The following TMEM117 variants were observed in gnomAD, a reference collection of about 807,000 sequenced individuals.
The protein encoded by TMEM117 is transmembrane protein 117.
A neutral mutation model predicts 52.4 loss-of-function variants in TMEM117; 27 were observed. That is an observed-to-expected ratio of 0.51 (90% CI 0.38 to 0.71). The LOEUF is 0.71. Ranked by LOEUF, TMEM117 falls within the 30% of genes least tolerant of loss-of-function variation. TMEM117 has a pLI of 0.00. For missense variants in TMEM117, 556 were observed against 630.5 expected, an observed-to-expected ratio of 0.88 and a Z score of 1.26; for synonymous variants, 215 against 206.3, an observed-to-expected ratio of 1.04 and a Z score of -0.36.
At chr12:43,910,337 A>C (rs1699773271) in intron 2 of TMEM117, among the ~76,000 whole-genome samples, 1 of 142,034 alleles carries the variant, frequency 7.0e-6, no homozygotes, top group Non-Finnish European at 1.5e-5. Flanking sequence ...TATTGATGGG[A>C]CGTATTTCAA....
chr12:44,069,793 C>CT (rs1365552555), intron 3 of TMEM117, among the ~76,000 whole-genome samples: 1 of 152,200 alleles, frequency 6.6e-6, no homozygotes, highest in Non-Finnish European at 1.5e-5. Flanking sequence ...CAGAGAATTG[C>CT]TTTTCTTATT....
At chr12:43,875,522 T>C (rs980764255) in intron 2 of TMEM117, among the ~76,000 whole-genome samples, 1 of 152,260 alleles carries the variant, frequency 6.6e-6, no homozygotes, top group African/African-American at 2.4e-5. Flanking sequence ...TATATGTTTC[T>C]CATTTGTAAT....
chr12:44,236,671 CTA>C (rs1826886946), intron 5 of TMEM117, among the ~76,000 whole-genome samples: 1 of 152,078 alleles, frequency 6.6e-6, no homozygotes, highest in Non-Finnish European at 1.5e-5. Flanking sequence ...ATCACTGGCC[CTA>C]TAATAGGCGG....
intron 3 of TMEM117, among the ~76,000 whole-genome samples, chr12:44,057,493 A>G (rs1375078490): frequency 2.0e-5 from 3 of 152,140 alleles, no homozygotes; most frequent in African/African-American, 4.8e-5. Flanking sequence ...AGGGAGTGAA[A>G]GGTTTGTCTC....
chr12:44,251,554 T>A (rs1280162061), intron 5 of TMEM117, among the ~76,000 whole-genome samples: 1 of 152,212 alleles, frequency 6.6e-6, no homozygotes, highest in Non-Finnish European at 1.5e-5. Flanking sequence ...CCTACGTCAC[T>A]AAGGACACAT....
chr12:44,061,524 G>C (rs1432817920), intron 3 of TMEM117, among the ~76,000 whole-genome samples: 4 of 149,184 alleles, frequency 2.7e-5, no homozygotes, highest in African/African-American at 1.0e-4. Flanking sequence ...GAAAGGAGAT[G>C]TGTTTAATGG....
chr12:44,055,546 G>C lies in TMEM117; in HGVS notation c.411-87979G>C, dbSNP rs1275824150. Among the ~76,000 whole-genome samples the C allele has an allele frequency of 2.0e-5, 3 of 152,150 alleles. No individual in the cohort carries two copies. The East Asian group carries it at 5.8e-4, about 29-fold the overall frequency. On this transcript the variant is annotated intron_variant, in intron 3 of 7. Transcript: ENST00000266534. ...CATGGACTGTGGAGCCAGAATACTT[G>C]AGTTCAAGTCCTGATATGTCCATTT...
chr12:44,007,402 T>C (rs1015147268), intron 3 of TMEM117, among the ~76,000 whole-genome samples: 1 of 152,170 alleles, frequency 6.6e-6, no homozygotes, highest in Non-Finnish European at 1.5e-5. Flanking sequence ...ATAAATTTCC[T>C]CTTTTTTTTT....
intron 2 of TMEM117, among the ~76,000 whole-genome samples, chr12:43,856,465 G>A (rs967850558): frequency 2.0e-5 from 3 of 152,084 alleles, no homozygotes; most frequent in Non-Finnish European, 4.4e-5. Flanking sequence ...TCTGGCATAA[G>A]GAATTTAAAA....
intron 3 of TMEM117, among the ~76,000 whole-genome samples, chr12:44,127,509 T>A (rs1948345424): frequency 6.6e-6 from 1 of 152,104 alleles, no homozygotes; most frequent in Admixed American, 6.5e-5. Flanking sequence ...AAACCCCATC[T>A]CTATTAAAAA....
intron 5 of TMEM117, among the ~76,000 whole-genome samples, chr12:44,268,465 G>A (rs1187992958): frequency 1.3e-5 from 2 of 151,738 alleles, no homozygotes; most frequent in Non-Finnish European, 2.9e-5. Context: ...TTTGTTCAGG[G>A]GAGAAATGAA....
chr12:44,247,559 T>G (rs1299337099), intron 5 of TMEM117, among the ~76,000 whole-genome samples: 1 of 152,226 alleles, frequency 6.6e-6, no homozygotes, highest in East Asian at 1.9e-4. Context: ...TAAACATTTA[T>G]CCTTTCTTTG....
chr12:43,960,525 T>A (rs963463353), intron 3 of TMEM117, among the ~76,000 whole-genome samples: 1 of 152,192 alleles, frequency 6.6e-6, no homozygotes, highest in African/African-American at 2.4e-5. Flanking sequence ...TGGTGAAGTT[T>A]TAAAACATTA....
At chr12:43,802,431 G>A in the TMEM117 span, 1 of 1,600,938 alleles carries the variant, frequency 6.2e-7, no homozygotes, top group Non-Finnish European at 8.5e-7. Flanking sequence ...CCAGGAATCT[G>A]AAGGCTGACT....
chr12:44,392,653 C>T (rs1243117474), downstream of TMEM117, among the ~76,000 whole-genome samples: 1 of 151,542 alleles, frequency 6.6e-6, no homozygotes, highest in African/African-American at 2.4e-5. Context: ...AGGCATATCT[C>T]CTAATGCTAT....
At chr12:44,086,601 T>C (rs1440936777) in intron 3 of TMEM117, among the ~76,000 whole-genome samples, 1 of 152,168 alleles carries the variant, frequency 6.6e-6, no homozygotes, top group East Asian at 1.9e-4. Context: ...CCTTCAACTT[T>C]GTTTCTATTC....
intron 3 of TMEM117, among the ~76,000 whole-genome samples, chr12:43,984,401 A>AACG (rs1324702736): frequency 6.6e-6 from 1 of 151,440 alleles, no homozygotes; most frequent in Non-Finnish European, 1.5e-5. Flanking sequence ...CAACAACAAC[A>AACG]ACAACAGCAT....
intron 4 of TMEM117, among the ~76,000 whole-genome samples, chr12:44,179,975 C>A (rs1487684272): frequency 6.6e-6 from 1 of 152,048 alleles, no homozygotes; most frequent in Non-Finnish European, 1.5e-5. Flanking sequence ...CCCCTTAGGG[C>A]CTCAGTGTCT....
chr12:43,979,431 A>G (rs1331205039), intron 3 of TMEM117, among the ~76,000 whole-genome samples: 1 of 152,162 alleles, frequency 6.6e-6, no homozygotes. Flanking sequence ...TGATACTGAC[A>G]CATGGTAGGA....
Sources: allele counts gnomAD v4.1 joint callset (sites outside exome capture counted in the v4.1 genomes callset), GRCh38; gene constraint gnomAD v4.1.1; transcripts MANE v1.5; gene names NCBI Gene and HGNC (gene_info 2026-07-23, HGNC 2026-07-21).